FSTL4: variants seen among roughly 807,000 people sequenced by gnomAD.
FSTL4 encodes follistatin-related protein 4.
Under a neutral mutation model 78.2 loss-of-function variants are expected in FSTL4, and 28 were observed. That is an observed-to-expected ratio of 0.36 (90% CI 0.27 to 0.49). The LOEUF (loss-of-function observed/expected upper bound fraction) is 0.49. Ranked by LOEUF, FSTL4 falls within the 20% of genes least tolerant of loss-of-function variation. FSTL4 has a pLI of 0.98. For synonymous variants in FSTL4, 422 were observed against 440.5 expected, an observed-to-expected ratio of 0.96 and a Z score of 0.53; for missense variants, 922 against 1,084.9, an observed-to-expected ratio of 0.85 and a Z score of 2.11.
At chr5:133,647,044 G>C in the FSTL4 span, among the ~76,000 whole-genome samples, 1 of 152,108 alleles carries the variant, frequency 6.6e-6, no homozygotes, top group Non-Finnish European at 1.5e-5. Flanking sequence ...ACAAAGCTGG[G>C]TCTTCTAAAG....
intron 2 of FSTL4, among the ~76,000 whole-genome samples, chr5:133,576,429 C>A (rs948927603): frequency 6.6e-6 from 1 of 152,152 alleles, no homozygotes; most frequent in African/African-American, 2.4e-5. Context: ...AGTGGGGGAT[C>A]AAAAGCAACC....
chr5:133,400,518 C>T (rs567794117), intron 4 of FSTL4, among the ~76,000 whole-genome samples: 5 of 152,374 alleles, frequency 3.3e-5, no homozygotes, highest in Admixed American at 2.0e-4. Context: ...CTGGATTCTA[C>T]TCCCCAAGGA....
chr5:133,334,966 G>A (rs929968036), intron 4 of FSTL4, among the ~76,000 whole-genome samples: 21 of 152,158 alleles, frequency 1.4e-4, no homozygotes, highest in Non-Finnish European at 2.5e-4. Flanking sequence ...GCCCCAGGGC[G>A]TCCTGGCCTC....
At chr5:133,799,287 C>T in the FSTL4 span, among the ~76,000 whole-genome samples, 7 of 138,018 alleles carry the variant, frequency 5.1e-5, no homozygotes, top group East Asian at 1.4e-3. Context: ...GGTGAGCCAT[C>T]CCTGCAGACC....
At chr5:133,362,796 C>A (rs1427855230) in intron 4 of FSTL4, among the ~76,000 whole-genome samples, 6 of 152,268 alleles carry the variant, frequency 3.9e-5, no homozygotes. Flanking sequence ...GCAGCCATTT[C>A]TAGATCCTAG....
chr5:133,383,927 C>T (rs1486615802), intron 4 of FSTL4, among the ~76,000 whole-genome samples: 2 of 152,254 alleles, frequency 1.3e-5, no homozygotes, highest in Non-Finnish European at 2.9e-5. Context: ...AGAAATCCGA[C>T]ACCTAAATTC....
intron 14 of FSTL4, among the ~76,000 whole-genome samples, chr5:133,204,773 T>G (rs902878103): frequency 6.7e-6 from 1 of 149,948 alleles, no homozygotes; most frequent in South Asian, 2.1e-4. Context: ...GAAGAGGAGG[T>G]TGCAGTGAGC....
intron 4 of FSTL4, among the ~76,000 whole-genome samples, chr5:133,352,142 A>C (rs1442737424): frequency 2.6e-5 from 4 of 151,674 alleles, no homozygotes; most frequent in African/African-American, 9.7e-5. Context: ...CAAATCCGTC[A>C]CCTTGGAAGT....
At chr5:133,709,178 G>A in the FSTL4 span, among the ~76,000 whole-genome samples, 1 of 152,192 alleles carries the variant, frequency 6.6e-6, no homozygotes, top group African/African-American at 2.4e-5. Context: ...CCACCCCCGG[G>A]TCATATCCAT....
At chr5:133,378,073 A>G (rs1755481786) in intron 4 of FSTL4, among the ~76,000 whole-genome samples, 1 of 152,224 alleles carries the variant, frequency 6.6e-6, no homozygotes, top group Non-Finnish European at 1.5e-5. Context: ...AGGCAAAATA[A>G]GGACATTCTC....
the FSTL4 span, among the ~76,000 whole-genome samples, chr5:133,682,090 C>A: frequency 6.6e-6 from 1 of 152,194 alleles, no homozygotes; most frequent in African/African-American, 2.4e-5. Context: ...CCCAGTGTGG[C>A]ACCCACCCTC....
intron 3 of FSTL4, among the ~76,000 whole-genome samples, chr5:133,518,893 C>T (rs149159665): frequency 1.8e-3 from 271 of 152,244 alleles, no homozygotes; most frequent in African/African-American, 6.3e-3. Flanking sequence ...AACCAAATTA[C>T]AAAGGATATT....
the FSTL4 span, among the ~76,000 whole-genome samples, chr5:133,662,030 T>C: frequency 6.6e-6 from 1 of 152,264 alleles, no homozygotes; most frequent in Admixed American, 6.5e-5. Context: ...TATGCTTGAT[T>C]ATATTTAAAA....
In FSTL4 at chr5:133,316,532, A is replaced by G. The variant is rs143672858; in HGVS notation, c.530T>C (p.Leu177Pro). 1.9e-6 allele frequency: 3 copies of G among 1,614,156 alleles called. No homozygotes were observed. Among genetic ancestry groups the G allele is most frequent in the Non-Finnish European group, 2.5e-6 (3 of 1,180,010 alleles). ...GTCCCTGAACAGAGATTCCACCAGG[A>G]GGCGCTTCTGGGAGGCAGGGTCTTG... is the stretch of plus-strand genomic sequence containing the variant. ...SRQDPASQKR[L>P]LVESLFRDLD... The change falls in exon 5 of 16, where the codon CTC (leucine) becomes CCC (proline). Residue 177 changes from leucine (L) to proline (P), a missense_variant. Transcript: ENST00000265342.
At chr5:133,801,511 C>T in the FSTL4 span, among the ~76,000 whole-genome samples, 3 of 152,250 alleles carry the variant, frequency 2.0e-5, no homozygotes, top group East Asian at 1.9e-4. Context: ...CCACCTCTGC[C>T]GCTTCAGCCT....
At chr5:133,675,505 A>C in the FSTL4 span, among the ~76,000 whole-genome samples, 1 of 152,180 alleles carries the variant, frequency 6.6e-6, no homozygotes, top group Non-Finnish European at 1.5e-5. Context: ...CTCTGCCCCA[A>C]CACCAGTGCC....
the FSTL4 span, among the ~76,000 whole-genome samples, chr5:133,619,910 A>G: frequency 6.6e-6 from 1 of 152,374 alleles, no homozygotes; most frequent in South Asian, 2.1e-4. Context: ...ATCATATTAA[A>G]TGTTATCTTC....
chr5:133,645,149 T>C, the FSTL4 span, among the ~76,000 whole-genome samples: 1 of 152,196 alleles, frequency 6.6e-6, no homozygotes, highest in African/African-American at 2.4e-5. Flanking sequence ...ATCAATTCTG[T>C]GTCCTTTCGA....
chr5:133,199,404 C>T lies in FSTL4; in HGVS notation c.2220G>A (p.Gln740=). ...ATTGATTGCTTTCAGTGAAGGAGCG[C>T]TGGAAGGCCAAGTCTGAGATGCCCG... The part of the protein sequence containing the change: ...INSGISDLAF[Q]RSFTESNQYN... Residue 740 remains glutamine, a synonymous_variant, in exon 16 of 16, where the codon CAG becomes CAA. Transcript: ENST00000265342. The surrounding 1 kb of genome is among the most constrained non-coding windows in gnomAD (Gnocchi z 4.4). 6.2e-7 allele frequency: 1 copy of T among 1,614,196 alleles called. No homozygotes were observed. Among genetic ancestry groups the T allele is most frequent in the African/African-American group, 1.3e-5 (1 of 75,048 alleles).
Sources: gnomAD v4.1 joint callset for allele counts (sites outside exome capture counted in the v4.1 genomes callset) on GRCh38, gnomAD v4.1.1 for gene constraint, Gnocchi (gnomAD v3.1) non-coding constraint, MANE v1.5 for transcripts, NCBI Gene and HGNC (gene_info 2026-07-23, HGNC 2026-07-21) for gene names.